Variants in KALRN observed in about 807,000 individuals in gnomAD.
KALRN encodes kalirin.
A neutral mutation model predicts 353.7 loss-of-function variants in KALRN; 70 were observed. That is an observed-to-expected ratio of 0.20 (90% CI 0.16 to 0.24). KALRN has a LOEUF of 0.24. Ranked by LOEUF, KALRN falls within the 10% of genes least tolerant of loss-of-function variation. The probability of loss-of-function intolerance (pLI) is 1.00; values close to 1 mark genes in which losing one functional copy is unlikely to be tolerated. For synonymous variants in KALRN, 1,391 were observed against 1,434.8 expected (o/e 0.97, Z 0.69); for missense variants, 2,791 against 3,756.7 (o/e 0.74, Z 6.72).
intron 1 of KALRN, among the ~76,000 whole-genome samples, chr3:124,199,202 A>T (rs1417023577): frequency 6.6e-6 from 1 of 152,190 alleles, no homozygotes; most frequent in African/African-American, 2.4e-5. Context: ...CTTCCAGTCT[A>T]GGCTTCTTCC....
chr3:124,098,802 A>C (rs1328007234), intron 1 of KALRN, among the ~76,000 whole-genome samples: 1 of 152,198 alleles, frequency 6.6e-6, no homozygotes, highest in African/African-American at 2.4e-5. Flanking sequence ...ATAAAGAAGC[A>C]TAAGTAAAAA....
At chr3:124,256,077 G>A (rs940372574) in intron 3 of KALRN, among the ~76,000 whole-genome samples, 1 of 152,192 alleles carries the variant, frequency 6.6e-6, no homozygotes, top group East Asian at 1.9e-4. Flanking sequence ...GGTATGCAAG[G>A]TGGTTCACTC....
intron 1 of KALRN, chr3:124,080,142 A>G (rs1347056476): frequency 2.1e-6 from 1 of 467,262 alleles, no homozygotes; most frequent in Admixed American, 2.4e-5. Flanking sequence ...AACTTCTAAC[A>G]CCTTCTGTAT....
At chr3:124,185,636 C>G (rs1358657404) in intron 1 of KALRN, among the ~76,000 whole-genome samples, 1 of 152,184 alleles carries the variant, frequency 6.6e-6, no homozygotes, top group African/African-American at 2.4e-5. Flanking sequence ...TCCTGTTCCT[C>G]TGGTCAGAGT....
chr3:124,062,049 A>G (rs1439545184), intron 1 of KALRN, among the ~76,000 whole-genome samples: 4 of 152,174 alleles, frequency 2.6e-5, no homozygotes, highest in Non-Finnish European at 5.9e-5. Flanking sequence ...TCCTTGCTGA[A>G]TCACAATCTG....
At chr3:124,294,520 C>CTTTTTCTTTTTT (rs2076687153) in intron 5 of KALRN, among the ~76,000 whole-genome samples, 1 of 73,894 alleles carries the variant, frequency 1.4e-5, no homozygotes, top group Non-Finnish European at 2.4e-5. Context: ...AGATTCTCTT[C>CTTTTTCTTTTTT]TTTTTTTTTT....
intron 33 of KALRN, among the ~76,000 whole-genome samples, chr3:124,507,596 G>A (rs1482470186): frequency 6.6e-6 from 1 of 152,232 alleles, no homozygotes; most frequent in East Asian, 1.9e-4. Flanking sequence ...CAGATACCAC[G>A]GAGATTCAGA....
intron 1 of KALRN, among the ~76,000 whole-genome samples, chr3:124,059,622 G>A (rs1439891575): frequency 6.6e-6 from 1 of 152,182 alleles, no homozygotes; most frequent in Non-Finnish European, 1.5e-5. Context: ...TGAGATGTGT[G>A]TGCCTGTTGG....
rs112179262 is a variant in KALRN, at chr3:124,580,328, C to T, written c.5182+17239C>T. Among the ~76,000 whole-genome samples the T allele has an allele frequency of 4.2e-3, 636 of 150,542 alleles. 3 individuals carry two copies. The highest frequency in any genetic ancestry group is 0.015 in the African/African-American group (623 of 40,996). ...TTTAAAATACTTGCGCCCAGTTGCA[C>T]CCAAAGTCAATTGATCTAAATCTCA... is the stretch of plus-strand genomic sequence containing the variant. On this transcript the variant is annotated intron_variant, in intron 34 of 59. Coordinates refer to ENST00000682506, the MANE Select transcript of KALRN (RefSeq NM_001388419.1).
At chr3:124,670,294 A>G (rs1357507551) in intron 47 of KALRN, among the ~76,000 whole-genome samples, 2 of 152,112 alleles carry the variant, frequency 1.3e-5, no homozygotes, top group African/African-American at 4.8e-5. Context: ...CTTCCCATAT[A>G]TTTTCAATCC....
intron 1 of KALRN, among the ~76,000 whole-genome samples, chr3:124,048,648 A>ATT (rs377172797): frequency 8.6e-5 from 13 of 151,494 alleles, no homozygotes; most frequent in African/African-American, 3.2e-4. Context: ...CGCCCAGCTA[A>ATT]TTTTTTTTGT....
intron 10 of KALRN, among the ~76,000 whole-genome samples, chr3:124,378,327 C>T (rs2086864391): frequency 1.3e-5 from 2 of 152,014 alleles, no homozygotes; most frequent in South Asian, 2.1e-4. Flanking sequence ...ACTTCCATCC[C>T]TCCCTTCCTG....
chr3:124,647,098 G>A (rs2082852123), intron 37 of KALRN, among the ~76,000 whole-genome samples: 1 of 151,678 alleles, frequency 6.6e-6, no homozygotes, highest in Non-Finnish European at 1.5e-5. Flanking sequence ...TAGAGATGGG[G>A]GTCTCACTAT....
intron 1 of KALRN, among the ~76,000 whole-genome samples, chr3:124,145,560 A>G (rs1434477244): frequency 1.3e-5 from 2 of 152,174 alleles, no homozygotes; most frequent in African/African-American, 4.8e-5. Context: ...TGACATGACC[A>G]AAGGTGTGAC....
intron 34 of KALRN, among the ~76,000 whole-genome samples, chr3:124,579,787 G>C (rs2074450288): frequency 6.6e-6 from 1 of 152,170 alleles, no homozygotes; most frequent in African/African-American, 2.4e-5. Context: ...AGGGATGGCT[G>C]TTTTCTCAGA....
At chr3:124,537,110 C>T (rs1264644888) in intron 33 of KALRN, among the ~76,000 whole-genome samples, 5 of 152,100 alleles carry the variant, frequency 3.3e-5, no homozygotes, top group Admixed American at 6.5e-5. Flanking sequence ...GGCACAATCT[C>T]GGCTCACTGC....
chr3:124,077,624 C>A (rs546278289), intron 1 of KALRN, among the ~76,000 whole-genome samples: 1 of 152,190 alleles, frequency 6.6e-6, no homozygotes, highest in Non-Finnish European at 1.5e-5. Flanking sequence ...CCAGTTCTAC[C>A]GCCACTCTCC....
At chr3:124,304,203 C>T (rs1269469114) in intron 6 of KALRN, among the ~76,000 whole-genome samples, 1 of 151,630 alleles carries the variant, frequency 6.6e-6, no homozygotes, top group Non-Finnish European at 1.5e-5. Flanking sequence ...ACTGCCATAG[C>T]TGCAAAGTCC....
chr3:124,661,446 A>G (rs1459408902), intron 44 of KALRN, among the ~76,000 whole-genome samples: 2 of 152,256 alleles, frequency 1.3e-5, no homozygotes, highest in African/African-American at 4.8e-5. Flanking sequence ...CAGGGAGGTT[A>G]CAGACCATTC....
Sources: gnomAD v4.1 joint callset for allele counts (sites outside exome capture counted in the v4.1 genomes callset) on GRCh38, gnomAD v4.1.1 for gene constraint, MANE v1.5 for transcripts, NCBI Gene and HGNC (gene_info 2026-07-23, HGNC 2026-07-21) for gene names.